Variants in AGBL3 observed in about 807,000 individuals in gnomAD.
AGBL3 encodes AGBL carboxypeptidase 3.
Under a neutral mutation model 94.5 loss-of-function variants are expected in AGBL3, and 68 were observed. The ratio of observed to expected loss-of-function variants is 0.72; its 90% CI spans 0.59 to 0.88. The LOEUF (loss-of-function observed/expected upper bound fraction) is 0.88, where lower values mean the gene tolerates loss of function less well. Ranked by LOEUF, AGBL3 falls within the 40% of genes least tolerant of loss-of-function variation. AGBL3 has a pLI of 0.00. For synonymous variants in AGBL3, 354 were observed against 370.7 expected (o/e 0.95, Z 0.52); for missense variants, 934 against 1,103.8 (o/e 0.85, Z 2.18).
chr7:135,035,524 A>G (rs1004703322), intron 7 of AGBL3, among the ~76,000 whole-genome samples: 3 of 152,112 alleles, frequency 2.0e-5, no homozygotes, highest in African/African-American at 7.2e-5. Flanking sequence ...TTTAAAGCAT[A>G]TTAGAATAAG....
chr7:135,027,986 G>A (rs1188984908), intron 5 of AGBL3, among the ~76,000 whole-genome samples: 1 of 151,658 alleles, frequency 6.6e-6, no homozygotes, highest in African/African-American at 2.4e-5. Context: ...TTTTGGTGGT[G>A]TCCAAGTGGA....
chr7:135,028,166 C>A (rs1414859948), intron 5 of AGBL3, among the ~76,000 whole-genome samples: 1 of 151,534 alleles, frequency 6.6e-6, no homozygotes, highest in Non-Finnish European at 1.5e-5. Context: ...TGGCTGCTGA[C>A]TGATCAGGGT....
chr7:134,995,284 T>C (rs1351284288), intron 4 of AGBL3: 1 of 152,280 alleles, frequency 6.6e-6, no homozygotes, highest in African/African-American at 2.4e-5. Context: ...GGGCCACTGC[T>C]TCTCAGTGTC....
intron 5 of AGBL3, among the ~76,000 whole-genome samples, chr7:135,021,618 A>AT (rs1442895512): frequency 2.8e-5 from 4 of 145,340 alleles, no homozygotes; most frequent in South Asian, 2.2e-4. Context: ...TTTTATTTTA[A>AT]TTTTTTTTAA....
rs1809913827 is a variant in AGBL3, at chr7:134,989,324, C to A, written c.124+14C>A. ...CACTTTTAACAGGTTTGAACCTATT[C>A]ATATAGTTTTTGTTTAGCATAAAAC... On this transcript the variant is annotated intron_variant, in intron 3 of 16. Coordinates refer to ENST00000436302, the MANE Select transcript of AGBL3 (RefSeq NM_178563.4). 3 of 1,517,634 alleles carry A rather than the reference C, an allele frequency of 2.0e-6. No homozygotes were observed. The highest frequency in any genetic ancestry group is 1.3e-5 in the South Asian group (1 of 76,880). The allele number at this position is 1,517,634 out of a possible 1,614,324, so 94.0% of individuals were successfully genotyped here.
Position 135,076,426 on chromosome 7 carries a change from G to T in AGBL3, c.1938G>T (p.Arg646Ser). The T allele has an allele frequency of 6.5e-7, 1 of 1,548,830 alleles. No individual in the cohort carries two copies. The highest frequency in any genetic ancestry group is 1.2e-5 in the South Asian group (1 of 83,950). The change falls in exon 13 of 17, where the codon AGG becomes AGT. Residue 646 changes from arginine to serine, a missense_variant. Physicochemically the swap from Arg to Ser is moderately radical, Grantham distance 110 (BLOSUM62 -1). This residue lies in a region of AGBL3 where 441 missense variants were observed against 518.2 expected (regional missense o/e 0.85). Coordinates refer to ENST00000436302, the MANE Select transcript of AGBL3 (RefSeq NM_178563.4). ...AACATTTGAAAACAAAGAAGGAAAG[G>T]AATTCTACCATAGCAAGCCACCAAA... The part of the protein sequence containing the change: ...QKKHLKTKKE[R>S]NSTIASHQNA...
At chr7:135,039,612 G>A (rs901112463) in intron 8 of AGBL3, among the ~76,000 whole-genome samples, 4 of 152,008 alleles carry the variant, frequency 2.6e-5, no homozygotes, top group African/African-American at 9.7e-5. Flanking sequence ...GTGTGTGCCT[G>A]TAATCCCAGC....
Position 135,032,853 on chromosome 7 carries a change from A to G in AGBL3, c.428A>G (p.Glu143Gly). The G allele has an allele frequency of 6.5e-7, 1 of 1,546,524 alleles. No individual in the cohort carries two copies. Among genetic ancestry groups the G allele is most frequent in the South Asian group, 1.2e-5 (1 of 82,876 alleles). Residue 143 changes from glutamate (E) to glycine (G), a missense_variant, in exon 6 of 17, where the codon GAG becomes GGG. Physicochemically the swap from Glu to Gly is moderately conservative, Grantham distance 98. Around this residue, in one of 3 missense-constraint regions of AGBL3, gnomAD observed 488 missense variants for 563.6 expected, o/e 0.87. Coordinates refer to ENST00000436302, the MANE Select transcript of AGBL3 (RefSeq NM_178563.4). ...VVYLAEDAYK[E>G]PCFVYSRVGG... is the part of the protein sequence containing the mutation. The stretch of plus-strand genomic sequence containing the variant: ...CTTCTTCTCTCATCAGCTTACAAAG[A>G]GCCCTGTTTTGTGTATTCCCGAGTT...
chr7:135,042,315 A>G (rs1816933477), intron 8 of AGBL3, among the ~76,000 whole-genome samples: 2 of 152,218 alleles, frequency 1.3e-5, no homozygotes, highest in South Asian at 2.1e-4. Context: ...TAGTACACCC[A>G]TACAATGGAA....
At chr7:135,130,031 C>T (rs1477094343) in intron 16 of AGBL3, among the ~76,000 whole-genome samples, 5 of 152,192 alleles carry the variant, frequency 3.3e-5, no homozygotes, top group Non-Finnish European at 7.3e-5. Context: ...AAGAGTTAAA[C>T]TTACAGACCC....
At chr7:135,040,360 C>T (rs1020515260) in intron 8 of AGBL3, among the ~76,000 whole-genome samples, 1 of 152,142 alleles carries the variant, frequency 6.6e-6, no homozygotes, top group Non-Finnish European at 1.5e-5. Flanking sequence ...GACATAGATG[C>T]AAAAATTCTC....
intron 16 of AGBL3, among the ~76,000 whole-genome samples, chr7:135,126,963 A>C (rs1827959804): frequency 6.6e-6 from 1 of 152,200 alleles, no homozygotes; most frequent in South Asian, 2.1e-4. Flanking sequence ...GCATGGGTAA[A>C]GACTTCATGA....
intron 12 of AGBL3, among the ~76,000 whole-genome samples, chr7:135,064,751 T>C (rs895039617): frequency 1.3e-5 from 2 of 152,168 alleles, no homozygotes; most frequent in Non-Finnish European, 2.9e-5. Flanking sequence ...TTAACTTAAT[T>C]TTGTTCTCTA....
At chr7:135,005,494 A>T (rs1449192009) in intron 4 of AGBL3, among the ~76,000 whole-genome samples, 2 of 151,780 alleles carry the variant, frequency 1.3e-5, no homozygotes, top group African/African-American at 4.8e-5. Context: ...TACCATGTTC[A>T]TGATTAGGAC....
chr7:134,995,529 G>A (rs917932266), intron 4 of AGBL3: 2 of 152,228 alleles, frequency 1.3e-5, no homozygotes, highest in Non-Finnish European at 2.9e-5. Context: ...GGTTCTTTCA[G>A]ATGTGGGCAG....
chr7:135,096,192 C>T (rs1822659316), intron 15 of AGBL3, among the ~76,000 whole-genome samples: 1 of 151,892 alleles, frequency 6.6e-6, no homozygotes, highest in East Asian at 1.9e-4. Context: ...TGTGAGTTAA[C>T]TGTTTTGCTT....
At chr7:135,008,207 T>C (rs1456908858) in intron 4 of AGBL3, among the ~76,000 whole-genome samples, 2 of 151,966 alleles carry the variant, frequency 1.3e-5, no homozygotes, top group East Asian at 3.8e-4. Context: ...AAGAACATAT[T>C]TGAGAGCTCA....
intron 4 of AGBL3, 67 bp from the exon 5 acceptor site, chr7:135,016,985 T>C: frequency 9.9e-7 from 1 of 1,014,186 alleles, no homozygotes; most frequent in Non-Finnish European, 1.5e-6. Context: ...AATTTGAAAA[T>C]ATGCAATAAA....
At position 135,134,935 on chromosome 7, in the gene AGBL3, G is replaced by A; in HGVS notation, c.2437G>A (p.Ala813Thr). 1 of 1,551,044 alleles carries A rather than the reference G, an allele frequency of 6.4e-7. No homozygotes were observed. Among genetic ancestry groups the A allele is most frequent in the South Asian group, 1.2e-5 (1 of 84,038 alleles). Reference sequence around the variant, plus strand: ...TTTTGTAATCCAAGGGGATGTTATGGCAAACTCTTCAGAATGGGTCCAGTC... The same window carrying A: ...TTTTGTAATCCAAGGGGATGTTATGACAAACTCTTCAGAATGGGTCCAGTC... ...HPFVIQGDVM[A>T]NSSEWVQSKP... Residue 813 changes from alanine to threonine, a missense_variant, in exon 17 of 17, where the codon GCA becomes ACA. Ala to Thr is a moderately conservative substitution (Grantham distance 58). Transcript: ENST00000436302.
Sources: gnomAD v4.1 joint callset for allele counts (sites outside exome capture counted in the v4.1 genomes callset) on GRCh38, gnomAD v4.1.1 for gene constraint, gnomAD v4.1.1 regional missense constraint, MANE v1.5 for transcripts, NCBI Gene and HGNC (gene_info 2026-07-23, HGNC 2026-07-21) for gene names.